The following KCNH7 variants were observed in gnomAD, a reference collection of about 807,000 sequenced individuals.
KCNH7 encodes voltage-gated inwardly rectifying potassium channel KCNH7.
KCNH7 carries 49 observed loss-of-function variants against 120.8 expected under a neutral mutation model. That is an observed-to-expected ratio of 0.41 (90% confidence interval 0.32 to 0.51). KCNH7 has a LOEUF of 0.51. Among genes scored for constraint, KCNH7 ranks in the 20% least tolerant of loss-of-function variants. KCNH7 has a pLI of 0.38. For missense variants in KCNH7, 1,097 were observed against 1,446.6 expected (o/e 0.76, Z 3.92); for synonymous variants, 547 against 516.1 (o/e 1.06, Z -0.81).
intron 11 of KCNH7, 63 bp downstream of exon 11, chr2:162,396,677 G>A (rs1260466166): frequency 2.5e-6 from 3 of 1,204,710 alleles, no homozygotes; most frequent in African/African-American, 1.5e-5. Context: ...AGAAGTATTT[G>A]TGCAATTCAA....
At chr2:162,379,746 G>A in intron 14 of KCNH7, 107 bp downstream of exon 14, 1 of 1,072,012 alleles carries the variant, frequency 9.3e-7, no homozygotes, top group Non-Finnish European at 1.4e-6. Context: ...AAATGTATAA[G>A]GAAATTATGA....
At chr2:162,773,893 AC>A (rs1559127167) in intron 2 of KCNH7, among the ~76,000 whole-genome samples, 1 of 152,198 alleles carries the variant, frequency 6.6e-6, no homozygotes, top group East Asian at 1.9e-4. Context: ...AATTACAAAC[AC>A]AAAAAATATT....
chr2:162,686,225 C>T (rs1685885939), intron 2 of KCNH7, among the ~76,000 whole-genome samples: 4 of 152,016 alleles, frequency 2.6e-5, no homozygotes, highest in Admixed American at 2.6e-4. Flanking sequence ...CAGCAATCTC[C>T]CAATTCAAAA....
At chr2:162,762,154 A>G (rs944381304) in intron 2 of KCNH7, among the ~76,000 whole-genome samples, 2 of 151,476 alleles carry the variant, frequency 1.3e-5, no homozygotes, top group Non-Finnish European at 2.9e-5. Flanking sequence ...CCAACTACTC[A>G]TTTTATTTTC....
At chr2:162,807,256 CAA>C (rs745345993) in intron 2 of KCNH7, among the ~76,000 whole-genome samples, 101 of 15,612 alleles carry the variant, frequency 6.5e-3, no homozygotes, top group African/African-American at 0.013. Context: ...ACTAAAAATA[CAA>C]AAAAAAAAAA....
chr2:162,833,129 G>A (rs1235554701), intron 2 of KCNH7, among the ~76,000 whole-genome samples: 1 of 151,972 alleles, frequency 6.6e-6, no homozygotes, highest in Non-Finnish European at 1.5e-5. Flanking sequence ...AATTTACTTT[G>A]TTTTTTCAAA....
intron 9 of KCNH7, among the ~76,000 whole-genome samples, chr2:162,419,008 C>T (rs1447540680): frequency 6.6e-6 from 1 of 151,888 alleles, no homozygotes; most frequent in African/African-American, 2.4e-5. Context: ...AGCTACACTT[C>T]TATCTTGCAC....
chr2:162,799,525 AT>A (rs1684266855), intron 2 of KCNH7, among the ~76,000 whole-genome samples: 1 of 152,032 alleles, frequency 6.6e-6, no homozygotes, highest in Non-Finnish European at 1.5e-5. Flanking sequence ...TTTCATGATC[AT>A]TATAAATATT....
At chr2:162,679,106 A>G (rs1685624764) in intron 2 of KCNH7, among the ~76,000 whole-genome samples, 2 of 151,626 alleles carry the variant, frequency 1.3e-5, no homozygotes, top group Non-Finnish European at 3.0e-5. Context: ...GGAATGTAAG[A>G]TTTCAGAAAC....
At chr2:162,385,905 A>C (rs1686557837) in intron 12 of KCNH7, among the ~76,000 whole-genome samples, 1 of 152,068 alleles carries the variant, frequency 6.6e-6, no homozygotes, top group Non-Finnish European at 1.5e-5. Flanking sequence ...ATAGAAATTC[A>C]ACAAAGATTT....
chr2:162,462,176 C>T lies in KCNH7; in HGVS notation c.1129-15733G>A, dbSNP rs75854367. On this transcript the variant is annotated intron_variant, in intron 6 of 15. Transcript: ENST00000332142. Reference sequence around the variant, plus strand: ...CATTTACAGGTCAAGGATTAATGTACGTTAAGGAAAAAAAATCAGAAACAC... The same window carrying T: ...CATTTACAGGTCAAGGATTAATGTATGTTAAGGAAAAAAAATCAGAAACAC... Among the ~76,000 whole-genome samples the T allele has an allele frequency of 2.4e-3, 371 of 151,730 alleles. 2 individuals are homozygous for T. The highest frequency in any genetic ancestry group is 8.4e-3 in the African/African-American group (348 of 41,414).
At chr2:162,400,586 T>C in intron 9 of KCNH7, 145 bp from the exon 10 acceptor site, 1 of 749,868 alleles carries the variant, frequency 1.3e-6, no homozygotes, top group Non-Finnish European at 2.2e-6. Context: ...CCTACCTTAA[T>C]GAATACTTGA....
At chr2:162,833,014 G>T (rs1685532480) in intron 2 of KCNH7, among the ~76,000 whole-genome samples, 1 of 119,198 alleles carries the variant, frequency 8.4e-6, no homozygotes, top group African/African-American at 2.7e-5. Flanking sequence ...ACCATAGTGT[G>T]TATGAAAGCA....
chr2:162,590,289 G>A (rs942380228), intron 2 of KCNH7, among the ~76,000 whole-genome samples: 1 of 152,094 alleles, frequency 6.6e-6, no homozygotes, highest in Non-Finnish European at 1.5e-5. Context: ...TTATCCGAGT[G>A]CATCTGAGTG....
chr2:162,487,716 A>G (rs1690149227), intron 6 of KCNH7, among the ~76,000 whole-genome samples: 1 of 152,176 alleles, frequency 6.6e-6, no homozygotes, highest in Admixed American at 6.5e-5. Flanking sequence ...CTAGAGGGGG[A>G]AAATGTATTA....
intron 3 of KCNH7, among the ~76,000 whole-genome samples, chr2:162,520,109 A>G (rs1042759849): frequency 6.7e-6 from 1 of 148,712 alleles, no homozygotes; most frequent in Non-Finnish European, 1.5e-5. Flanking sequence ...ACACCTTACA[A>G]TCTTATAACA....
At chr2:162,453,606 C>A (rs1688851442) in intron 6 of KCNH7, among the ~76,000 whole-genome samples, 1 of 152,182 alleles carries the variant, frequency 6.6e-6, no homozygotes, top group African/African-American at 2.4e-5. Context: ...CCTGTTTCTC[C>A]ACAGCCTTGC....
intron 2 of KCNH7, among the ~76,000 whole-genome samples, chr2:162,646,494 T>C (rs898617740): frequency 6.6e-6 from 1 of 152,216 alleles, no homozygotes; most frequent in South Asian, 2.1e-4. Flanking sequence ...CTTGTGATTG[T>C]GTTATGTTGC....
intron 6 of KCNH7, among the ~76,000 whole-genome samples, chr2:162,467,674 A>G (rs746367812): frequency 2.0e-5 from 3 of 152,224 alleles, no homozygotes; most frequent in Non-Finnish European, 4.4e-5. Context: ...TAGTAACAGA[A>G]ACAGACTAAG....
Sources: gnomAD v4.1 joint callset for allele counts (sites outside exome capture counted in the v4.1 genomes callset) on GRCh38, gnomAD v4.1.1 for gene constraint, MANE v1.5 for transcripts, NCBI Gene and HGNC (gene_info 2026-07-23, HGNC 2026-07-21) for gene names.